KLC3: variants seen among roughly 807,000 people sequenced by gnomAD.
KLC3 encodes the protein kinesin light chain 3.
In KLC3, 72 loss-of-function variants were observed where a neutral mutation model predicts 62.9. That is an observed-to-expected ratio of 1.15 (90% CI 0.95 to 1.39). KLC3 has a LOEUF of 1.39. Ranked by LOEUF, KLC3 falls within the 40% of genes most tolerant of loss-of-function variation. The pLI is 0.00. For synonymous variants in KLC3, 377 were observed against 300.5 expected, an observed-to-expected ratio of 1.25 and a Z score of -2.63; for missense variants, 848 against 691.6, an observed-to-expected ratio of 1.23 and a Z score of -2.54.
rs780895997 is a variant in KLC3 at position 45,345,558 on chromosome 19, C to T, written c.17C>T (p.Ala6Val). The T allele has an allele frequency of 1.0e-4, 158 of 1,565,360 alleles. No homozygotes were observed. In the Middle Eastern group the frequency reaches 2.5e-3, roughly 25 times the overall value. ...GGAGCAGCAATGTCTGTGCAGGTAG[C>T]GGCTCCTGGAAGTGCAGGGCTGGGC... Reference protein sequence around the residue: MSVQVAAPGSAGLGPE... With the variant: MSVQVVAPGSAGLGPE... The change falls in exon 2 of 13, where the codon GCG becomes GTG. Residue 6 changes from alanine (A) to valine (V), a missense_variant. Transcript: ENST00000391946.
At chr19:45,341,574 T>TGCGCGCGCGCGCGC (rs1202070798) in intron 1 of KLC3, among the ~76,000 whole-genome samples, 1 of 124,278 alleles carries the variant, frequency 8.0e-6, no homozygotes, top group Non-Finnish European at 1.9e-5. Context: ...TGTGTGTGTG[T>TGCGCGCGCGCGCGC]GTGTGCGCGC....
Position 45,351,316 on chromosome 19 carries a change from C to G in KLC3, c.1474C>G (p.Arg492Gly). The G allele has an allele frequency of 6.2e-7, 1 of 1,612,494 alleles. No individual in the cohort carries two copies. Among genetic ancestry groups the G allele is most frequent in the Non-Finnish European group, 8.5e-7 (1 of 1,180,002 alleles). ...CAGCTGGCACCTGGACAAGGCCCCT[C>G]GGACCCTCAGCGCCAGCACCCAGGA... ...FPSWHLDKAP[R>G]TLSASTQDLS... Residue 492 changes from arginine (R) to glycine (G), a missense_variant, in exon 13 of 13, where the codon CGG (arginine) becomes GGG (glycine). Transcript: ENST00000391946.
At chr19:45,349,852 T>C in intron 8 of KLC3, 1 of 514,066 alleles carries the variant, frequency 1.9e-6, no homozygotes, top group Non-Finnish European at 3.4e-6. Context: ...GCAGCAGACA[T>C]TTATTGAGCT....
rs865817469 is a variant in KLC3, at chr19:45,345,752, G to A, written c.211G>A (p.Val71Met). The A allele has an allele frequency of 1.4e-5, 22 of 1,555,764 alleles. No individual in the cohort carries two copies. In the African/African-American group the frequency reaches 2.3e-4, roughly 16 times the overall value. Reference sequence around the variant, plus strand: ...GATGCTGGAGGAAAAGCAGCAGGTGGTGAGCCACTCGCTGGAGGCCATCGA... The same window carrying A: ...GATGCTGGAGGAAAAGCAGCAGGTGATGAGCCACTCGCTGGAGGCCATCGA... The part of the protein sequence containing the change: ...LEMLEEKQQV[V>M]SHSLEAIELG... The change falls in exon 2 of 13, where the codon GTG becomes ATG. Residue 71 changes from valine (V) to methionine (M), a missense_variant. Coordinates refer to ENST00000391946, the MANE Select transcript of KLC3 (RefSeq NM_177417.3).
intron 1 of KLC3, among the ~76,000 whole-genome samples, chr19:45,341,304 T>C (rs564126229): frequency 3.3e-5 from 5 of 152,054 alleles, no homozygotes; most frequent in Admixed American, 1.3e-4. Context: ...ACTGTGTGTA[T>C]GATGTGACAC....
chr19:45,348,462 G>T (rs1448480859), intron 5 of KLC3, among the ~76,000 whole-genome samples, 184 bp from the exon 6 acceptor site: 1 of 152,120 alleles, frequency 6.6e-6, no homozygotes, highest in African/African-American at 2.4e-5. Context: ...AGGTCTGGGG[G>T]TACAGGGCCC....
rs374654450 is a variant in KLC3, at chr19:45,346,560, C to T, written c.275C>T (p.Ser92Leu). 6.5e-6 allele frequency: 10 copies of T among 1,538,282 alleles called. No homozygotes were observed. Among genetic ancestry groups the T allele is most frequent in the South Asian group, 2.4e-5 (2 of 83,316 alleles). ...CCCGGGCAGGTGCTGCTGGCCCTGT[C>T]GGCACATGTGGGTGCACTGGAGGCA... Reference protein sequence around the residue: ...LGEAQVLLALSAHVGALEAEK... With the variant: ...LGEAQVLLALLAHVGALEAEK... The change falls in exon 3 of 13, where the codon TCG (serine) becomes TTG (leucine). Residue 92 changes from serine to leucine, a missense_variant. Physicochemically the swap from Ser to Leu is moderately radical, Grantham distance 145. Transcript: ENST00000391946.
Position 45,345,581 on chromosome 19 carries a change from G to A in KLC3, c.40G>A (p.Gly14Ser), listed in dbSNP as rs1349374992. The A allele has an allele frequency of 2.5e-6, 4 of 1,568,720 alleles. No individual in the cohort carries two copies. The highest frequency in any genetic ancestry group is 3.5e-6 in the Non-Finnish European group (4 of 1,157,822). The part of the protein sequence containing the change: ...QVAAPGSAGL[G>S]PERLSPEELV... ...AGCGGCTCCTGGAAGTGCAGGGCTG[G>A]GCCCAGAGCGCCTGAGCCCTGAGGA... Residue 14 changes from glycine (G) to serine (S), a missense_variant, in exon 2 of 13, where the codon GGC becomes AGC. Coordinates refer to ENST00000391946, the MANE Select transcript of KLC3 (RefSeq NM_177417.3).
intron 3 of KLC3, 90 bp downstream of exon 3, chr19:45,346,864 A>AGATCCTCCTTAGAATCCCAC (rs1232803568): frequency 1.8e-5 from 22 of 1,237,898 alleles, no homozygotes; most frequent in Non-Finnish European, 2.4e-5. Context: ...ACAGTCCCCA[A>AGATCCTCCTTAGAATCCCAC]GATCCTCCTT....
Position 45,346,789 on chromosome 19 carries a change from G to A in KLC3, c.489+15G>A. On this transcript the variant is annotated intron_variant, in intron 3 of 12. Transcript: ENST00000391946. Reference sequence around the variant, plus strand: ...CGGAGAGCCAGGTGCCACGGGCAGGGCGAGGCGGGGGGTGCTGGGCCCTTC... The same window carrying A: ...CGGAGAGCCAGGTGCCACGGGCAGGACGAGGCGGGGGGTGCTGGGCCCTTC... 6.4e-7 allele frequency: 1 copy of A among 1,558,366 alleles called. No individual in the cohort carries two copies. Among genetic ancestry groups the A allele is most frequent in the Non-Finnish European group, 8.7e-7 (1 of 1,152,666 alleles).
rs367947759 is a variant in KLC3 at position 45,350,378 on chromosome 19, C to T, written c.1181C>T (p.Ala394Val). 2.9e-5 allele frequency: 46 copies of T among 1,613,634 alleles called. No homozygotes were observed. The highest frequency in any genetic ancestry group is 1.1e-4 in the South Asian group (10 of 91,052). ...AYLKQNKYQQ[A>V]EELYKEILHK... ...CTGAAACAGAACAAGTATCAACAAGCGGAAGAGCTGTACAAAGAAATCCTC... is the reference window on the plus strand; with the variant it reads ...CTGAAACAGAACAAGTATCAACAAGTGGAAGAGCTGTACAAAGAAATCCTC... The change falls in exon 9 of 13, where the codon GCG becomes GTG. Residue 394 changes from alanine to valine, a missense_variant. Coordinates refer to ENST00000391946, the MANE Select transcript of KLC3 (RefSeq NM_177417.3).
chr19:45,348,162 T>C lies in KLC3; in HGVS notation c.779+2T>C, dbSNP rs1290669500. The C allele has an allele frequency of 1.3e-6, 2 of 1,576,134 alleles. No individual in the cohort carries two copies. Among genetic ancestry groups the C allele is most frequent in the East Asian group, 4.6e-5 (2 of 43,286 alleles). ...CAACATCCTGGCGCTGGTGTACCGG[T>C]GAGCACTGCGGCCAGCCATGGCTGG... is the stretch of plus-strand genomic sequence containing the variant. On this transcript the variant is annotated splice_donor_variant, in intron 5 of 12. Transcript: ENST00000391946. LOFTEE classifies it high-confidence loss of function.
At position 45,348,252 on chromosome 19, in the gene KLC3, T is replaced by C; in HGVS notation, c.779+92T>C. 10 of 1,204,218 alleles carry C rather than the reference T, an allele frequency of 8.3e-6. No homozygotes were observed. In the South Asian group the frequency reaches 1.0e-4, roughly 12 times the overall value. 74.6% of individuals were successfully genotyped at this position (1,204,218 alleles called of 1,614,324 possible). On this transcript the variant is annotated intron_variant, in intron 5 of 12. Transcript: ENST00000391946. The stretch of plus-strand genomic sequence containing the variant: ...GATCCTGGTGCCCCCTCTGTCACCA[T>C]GGAGCACCTAGGGAGGTCAGGGGAG...
chr19:45,351,432 T>C lies in KLC3; in HGVS notation c.*75T>C. ...GATGGGCTGGTGGGGTGAGAGGGGG[T>C]CTATCATCTCCTGGCCCCCCCTTGC... On this transcript the variant is annotated 3_prime_UTR_variant, in exon 13 of 13. Transcript: ENST00000391946. 1 of 1,588,066 alleles carries C rather than the reference T, an allele frequency of 6.3e-7. No homozygotes were observed. The highest frequency in any genetic ancestry group is 8.5e-7 in the Non-Finnish European group (1 of 1,170,260).
At chr19:45,342,849 C>A (rs1971420185) in intron 1 of KLC3, among the ~76,000 whole-genome samples, 1 of 152,184 alleles carries the variant, frequency 6.6e-6, no homozygotes, top group Non-Finnish European at 1.5e-5. Flanking sequence ...AGGGAGAGAT[C>A]AATGACGATC....
chr19:45,347,751 G>C (rs1026562361), intron 4 of KLC3, among the ~76,000 whole-genome samples, 190 bp from the exon 5 acceptor site: 6 of 152,188 alleles, frequency 3.9e-5, no homozygotes, highest in Non-Finnish European at 7.4e-5. Context: ...CCGTGTTCCT[G>C]TCCCGAGGCC....
In KLC3 at chr19:45,343,311, T is replaced by G. The variant is rs185306963; in HGVS notation, c.-8-2223T>G. Among the ~76,000 whole-genome samples, 532 of 152,162 alleles carry G rather than the reference T, an allele frequency of 3.5e-3. 1 individual carries two copies. Among genetic ancestry groups the G allele is most frequent in the African/African-American group, 0.012 (516 of 41,512 alleles). On this transcript the variant is annotated intron_variant, in intron 1 of 12. Transcript: ENST00000391946. ...AGACAGAGTTAGTTTCTGCGTGGGT[T>G]GGCTTTTCTTTCTTTTTTTTAAATA...
chr19:45,346,396 T>C (rs1971490980), intron 2 of KLC3, 148 bp from the exon 3 acceptor site: 1 of 730,498 alleles, frequency 1.4e-6, no homozygotes, highest in Non-Finnish European at 2.2e-6. Flanking sequence ...CTGAGGGCAC[T>C]GGGGCCATGT....
chr19:45,344,348 G>A (rs1971446660), intron 1 of KLC3, among the ~76,000 whole-genome samples: 1 of 151,322 alleles, frequency 6.6e-6, no homozygotes, highest in Non-Finnish European at 1.5e-5. Context: ...CAAGTAGCTG[G>A]GACTACAGGC....
Sources: gnomAD v4.1 joint callset for allele counts (sites outside exome capture counted in the v4.1 genomes callset) on GRCh38, gnomAD v4.1.1 for gene constraint, MANE v1.5 for transcripts, NCBI Gene and HGNC (gene_info 2026-07-23, HGNC 2026-07-21) for gene names.